The following LAMTOR4 variants were observed in gnomAD, a reference collection of about 807,000 sequenced individuals.
LAMTOR4 encodes late endosomal/lysosomal adaptor, MAPK and MTOR activator 4.
Under a neutral mutation model 13.5 loss-of-function variants are expected in LAMTOR4, and 11 were observed. That is an observed-to-expected ratio of 0.82 (90% CI 0.51 to 1.35). The LOEUF (loss-of-function observed/expected upper bound fraction) is 1.35, where lower values mean the gene tolerates loss of function less well. Among genes scored for constraint, LAMTOR4 ranks in the 40% most tolerant of loss-of-function variants. LAMTOR4 has a pLI of 0.00. For synonymous variants in LAMTOR4, 69 were observed against 52.3 expected (o/e 1.32, Z -1.38); for missense variants, 128 against 126.2 (o/e 1.01, Z -0.07).
intron 2 of LAMTOR4, among the ~76,000 whole-genome samples, chr7:100,153,154 A>G (rs1234695783): frequency 3.9e-5 from 6 of 152,064 alleles, no homozygotes; most frequent in Non-Finnish European, 8.8e-5. Context: ...AAAAAAGAAA[A>G]AAAAAAAAAA....
At chr7:100,149,169 T>C in intron 1 of LAMTOR4, 194 bp downstream of exon 1, 1 of 705,896 alleles carries the variant, frequency 1.4e-6, no homozygotes, top group Non-Finnish European at 2.3e-6. Context: ...GTTCTGGGGC[T>C]GCGGGTAGTC....
intron 3 of LAMTOR4, 125 bp downstream of exon 3, chr7:100,153,642 C>A: frequency 1.1e-6 from 1 of 879,354 alleles, no homozygotes; most frequent in South Asian, 1.3e-5. Flanking sequence ...CCACTTTCCT[C>A]CCTTTGGGAC....
In LAMTOR4 at chr7:100,153,480, G is replaced by C. The variant is rs755329254; in HGVS notation, c.165G>C (p.Leu55=). 6.2e-7 allele frequency: 1 copy of C among 1,609,278 alleles called. No individual in the cohort carries two copies. The highest frequency in any genetic ancestry group is 1.1e-5 in the South Asian group (1 of 91,084). ...TCAGCACAGCCTGCGGTTTCCGGCT[G>C]CACCGCGGCATGAATGTGCCCTTCA... The part of the protein sequence containing the change: ...ELVSTACGFR[L]HRGMNVPFKR... The change falls in exon 3 of 4, where the codon CTG becomes CTC. Residue 55 remains leucine (L), a synonymous_variant. Transcript: ENST00000341942.
At chr7:100,152,695 T>C (rs1008433689) in intron 2 of LAMTOR4, 2 of 152,318 alleles carry the variant, frequency 1.3e-5, no homozygotes, top group African/African-American at 2.4e-5. Flanking sequence ...GGAATGTTTA[T>C]GTTTGAGATT....
At chr7:100,151,232 G>A (rs1451254691) in intron 2 of LAMTOR4, among the ~76,000 whole-genome samples, 2 of 151,488 alleles carry the variant, frequency 1.3e-5, no homozygotes, top group East Asian at 3.9e-4. Flanking sequence ...GCACCACCAT[G>A]CCCAGCTAAT....
At chr7:100,152,762 G>A (rs1798743807) in intron 2 of LAMTOR4, 1 of 152,648 alleles carries the variant, frequency 6.6e-6, no homozygotes, top group Non-Finnish European at 1.5e-5. Context: ...TAACAGGTAA[G>A]TGGTGGGCAG....
intron 2 of LAMTOR4, among the ~76,000 whole-genome samples, chr7:100,150,585 G>A (rs967286742): frequency 6.6e-6 from 1 of 152,220 alleles, no homozygotes; most frequent in African/African-American, 2.4e-5. Context: ...TATTCTTGAA[G>A]GTAATACAGT....
chr7:100,152,598 G>C (rs925494690), intron 2 of LAMTOR4: 2 of 152,166 alleles, frequency 1.3e-5, no homozygotes, highest in Non-Finnish European at 2.9e-5. Context: ...AGAGGAAGTT[G>C]AGACAGTCAC....
chr7:100,150,820 C>T (rs1027791416), intron 2 of LAMTOR4, among the ~76,000 whole-genome samples: 1 of 151,748 alleles, frequency 6.6e-6, no homozygotes, highest in African/African-American at 2.4e-5. Context: ...CCCGTCTGTA[C>T]TAAAAATACA....
chr7:100,153,671 T>C (rs1490282180), intron 3 of LAMTOR4, 154 bp downstream of exon 3: 1 of 777,502 alleles, frequency 1.3e-6, no homozygotes, highest in Non-Finnish European at 2.2e-6. Flanking sequence ...ATCAGAATTG[T>C]GAATGAGAAG....
chr7:100,154,106 G>A lies in LAMTOR4; in HGVS notation c.*142G>A, dbSNP rs961262309. ...TCCCACCCCTACCTGGACGGGCCCA[G>A]GCTTGGGGACTCTGAGCTGTGTTAA... On this transcript the variant is annotated 3_prime_UTR_variant, in exon 4 of 4. Transcript: ENST00000341942. 1.0e-5 allele frequency: 7 copies of A among 668,870 alleles called. No individual in the cohort carries two copies. In the African/African-American group the frequency reaches 1.2e-4, roughly 12 times the overall value. 41.4% of individuals were successfully genotyped at this position (668,870 alleles called of 1,614,324 possible). A position where few individuals can be genotyped will look rare whatever the true frequency, so the allele number is the denominator to read the frequency against.
intron 2 of LAMTOR4, 36 bp downstream of exon 2, chr7:100,149,615 A>C: frequency 6.6e-7 from 1 of 1,509,552 alleles, no homozygotes; most frequent in Non-Finnish European, 9.2e-7. Flanking sequence ...CCCTTAGTGC[A>C]CACAGCCCGG....
At chr7:100,150,733 T>C (rs774148155) in intron 2 of LAMTOR4, among the ~76,000 whole-genome samples, 3 of 151,406 alleles carry the variant, frequency 2.0e-5, no homozygotes, top group Admixed American at 1.3e-4. Flanking sequence ...TGCCTGTAAT[T>C]CTAGCACTTT....
intron 2 of LAMTOR4, among the ~76,000 whole-genome samples, chr7:100,151,452 A>T (rs1165870251): frequency 6.1e-5 from 9 of 148,534 alleles, no homozygotes; most frequent in Non-Finnish European, 1.2e-4. Flanking sequence ...GCAGTGGTGC[A>T]GTCTCCCCTC....
rs772839028 is a variant in LAMTOR4, at chr7:100,153,417, G to A, written c.102G>A (p.Glu34=). 12 of 1,611,058 alleles carry A rather than the reference G, an allele frequency of 7.4e-6. No homozygotes were observed. In the African/African-American group the frequency reaches 1.2e-4, roughly 16 times the overall value. ...GAVLASSGDL[E]NDEQAASAIS... is the part of the protein sequence containing the mutation. ...GCATGCAGTCATCTGGGGACCTGGAGAATGATGAGCAGGCAGCCAGTGCCA... is the reference window on the plus strand; with the variant it reads ...GCATGCAGTCATCTGGGGACCTGGAAAATGATGAGCAGGCAGCCAGTGCCA... The change falls in exon 3 of 4, where the codon GAG becomes GAA. Residue 34 remains glutamate, a synonymous_variant. Transcript: ENST00000341942.
chr7:100,150,533 A>C (rs1198908682), intron 2 of LAMTOR4, among the ~76,000 whole-genome samples: 1 of 152,192 alleles, frequency 6.6e-6, no homozygotes, highest in Non-Finnish European at 1.5e-5. Context: ...GGGAGGATGT[A>C]ATTGTGAAGG....
rs1312916744 is a variant in LAMTOR4, at chr7:100,153,978, C to T, written c.*14C>T. The T allele has an allele frequency of 8.9e-6, 14 of 1,565,010 alleles. No individual in the cohort carries two copies. The highest frequency in any genetic ancestry group is 4.6e-5 in the East Asian group (2 of 43,052). On this transcript the variant is annotated 3_prime_UTR_variant, in exon 4 of 4. Transcript: ENST00000341942. ...ATTGATGTCTGAGCCTGCCGGAGGG[C>T]GAGGGTCGGAGAAGCGGATTGGGTC...
Position 100,153,305 on chromosome 7 carries a change from G to A in LAMTOR4, c.85-95G>A. 1.6e-5 allele frequency: 14 copies of A among 850,648 alleles called. No individual in the cohort carries two copies. In the South Asian group the frequency reaches 2.1e-4, roughly 13 times the overall value. The allele number at this position is 850,648 out of a possible 1,614,324, so 52.7% of individuals were successfully genotyped here. On this transcript the variant is annotated intron_variant, in intron 2 of 3. Transcript: ENST00000341942. ...GGTACTGGCAAGCCAAGGGGGAGAG[G>A]GTCTAAGTGTGAGAACCAAGGGGAC...
At chr7:100,149,300 C>T in intron 1 of LAMTOR4, 199 bp from the exon 2 acceptor site, 1 of 575,426 alleles carries the variant, frequency 1.7e-6, no homozygotes. Context: ...AGCCCGGGGG[C>T]GAGAGTGGGG....
Sources: allele counts gnomAD v4.1 joint callset (sites outside exome capture counted in the v4.1 genomes callset), GRCh38; gene constraint gnomAD v4.1.1; transcripts MANE v1.5; gene names NCBI Gene and HGNC (gene_info 2026-07-23, HGNC 2026-07-21).